Variants in DSCAML1 observed in about 807,000 individuals in gnomAD.
DSCAML1 encodes cell adhesion molecule DSCAML1.
DSCAML1 carries 38 observed loss-of-function variants against 200.5 expected under a neutral mutation model. The ratio of observed to expected loss-of-function variants is 0.19; its 90% CI spans 0.15 to 0.25. The LOEUF is 0.25. Among genes scored for constraint, DSCAML1 ranks in the 10% least tolerant of loss-of-function variants. The pLI is 1.00. For missense variants in DSCAML1, 2,223 were observed against 2,858.8 expected, an observed-to-expected ratio of 0.78 and a Z score of 5.07; for synonymous variants, 1,215 against 1,165.0, an observed-to-expected ratio of 1.04 and a Z score of -0.87.
At chr11:117,685,519 G>A (rs1022593044) in intron 3 of DSCAML1, among the ~76,000 whole-genome samples, 2 of 152,166 alleles carry the variant, frequency 1.3e-5, no homozygotes, top group African/African-American at 2.4e-5. Context: ...GCAGACCTGG[G>A]GTCCCAGCAC....
chr11:117,535,523 T>G (rs938719171), intron 3 of DSCAML1, among the ~76,000 whole-genome samples: 4 of 151,948 alleles, frequency 2.6e-5, no homozygotes, highest in Admixed American at 6.5e-5. Flanking sequence ...AGAAGGAAGG[T>G]GGAGGGCGCC....
chr11:117,608,085 G>C (rs1038122430), intron 3 of DSCAML1, among the ~76,000 whole-genome samples: 1 of 152,192 alleles, frequency 6.6e-6, no homozygotes, highest in African/African-American at 2.4e-5. Flanking sequence ...TGTGTCTTGA[G>C]ACCCATTGTG....
intron 1 of DSCAML1, among the ~76,000 whole-genome samples, chr11:117,790,896 C>A (rs2055451512): frequency 6.6e-6 from 1 of 152,226 alleles, no homozygotes; most frequent in Non-Finnish European, 1.5e-5. Context: ...TGCAAACACA[C>A]ATGCATCTCT....
intron 2 of DSCAML1, among the ~76,000 whole-genome samples, chr11:117,777,433 C>T (rs1206167486): frequency 6.6e-6 from 1 of 152,214 alleles, no homozygotes; most frequent in Non-Finnish European, 1.5e-5. Flanking sequence ...TGCACCCAAA[C>T]AAAACCTGTG....
chr11:117,488,057 G>A (rs190388640), intron 11 of DSCAML1, among the ~76,000 whole-genome samples: 12 of 152,232 alleles, frequency 7.9e-5, no homozygotes, highest in African/African-American at 2.7e-4. Context: ...CAGAGTACTC[G>A]TGTCCTTGCA....
chr11:117,688,635 C>T lies in DSCAML1; in HGVS notation c.511+88156G>A, dbSNP rs552631453. Among the ~76,000 whole-genome samples the T allele has an allele frequency of 4.6e-5, 7 of 152,294 alleles. No homozygotes were observed. In the South Asian group the frequency reaches 1.5e-3, roughly 32 times the overall value. Reference sequence around the variant, plus strand: ...ATGCTGTGTGACCTTGGGCAGGTCCCCCAGCCTCTCTGTGCCTTGTATCTG... The same window carrying T: ...ATGCTGTGTGACCTTGGGCAGGTCCTCCAGCCTCTCTGTGCCTTGTATCTG... On this transcript the variant is annotated intron_variant, in intron 3 of 32. Transcript: ENST00000651296.
At chr11:117,784,213 G>A (rs1026850435) in intron 1 of DSCAML1, among the ~76,000 whole-genome samples, 4 of 152,162 alleles carry the variant, frequency 2.6e-5, no homozygotes, top group African/African-American at 7.2e-5. Context: ...TCATTTCTGC[G>A]TATGGCTCTG....
At chr11:117,764,693 A>T (rs1591484908) in intron 3 of DSCAML1, among the ~76,000 whole-genome samples, 2 of 152,364 alleles carry the variant, frequency 1.3e-5, no homozygotes, top group South Asian at 4.1e-4. Flanking sequence ...TCCTGGGCGC[A>T]GGCCCTGGGG....
chr11:117,531,636 C>T (rs1297256354), intron 4 of DSCAML1, among the ~76,000 whole-genome samples: 4 of 152,124 alleles, frequency 2.6e-5, no homozygotes, highest in Non-Finnish European at 5.9e-5. Context: ...GCAATCCCAG[C>T]ACTTTGGGAG....
chr11:117,719,288 A>G (rs568936191), intron 3 of DSCAML1, among the ~76,000 whole-genome samples: 1 of 152,298 alleles, frequency 6.6e-6, no homozygotes, highest in African/African-American at 2.4e-5. Context: ...TCCAAAAAAT[A>G]AAACTAAAAA....
chr11:117,715,289 G>A (rs886138720), intron 3 of DSCAML1, among the ~76,000 whole-genome samples: 4 of 151,994 alleles, frequency 2.6e-5, no homozygotes, highest in African/African-American at 7.3e-5. Context: ...ACTCAGCCCA[G>A]GTTTCACCTC....
intron 3 of DSCAML1, among the ~76,000 whole-genome samples, chr11:117,566,221 G>T (rs1893899): frequency 0.27 from 40,939 of 152,138 alleles, 5,855 homozygotes; most frequent in Admixed American, 0.33. Flanking sequence ...TGTGACAGAA[G>T]TCAGGCTACC....
At chr11:117,443,107 G>T (rs1279244381) in intron 21 of DSCAML1, among the ~76,000 whole-genome samples, 3 of 152,196 alleles carry the variant, frequency 2.0e-5, no homozygotes, top group Non-Finnish European at 4.4e-5. Flanking sequence ...CTGGGCTGCG[G>T]TGGATAAGAG....
intron 21 of DSCAML1, among the ~76,000 whole-genome samples, chr11:117,440,989 T>C (rs1592579482): frequency 1.3e-5 from 2 of 150,332 alleles, no homozygotes; most frequent in Non-Finnish European, 3.0e-5. Context: ...TCCTGGCTGC[T>C]TGCAGAGGAT....
At chr11:117,679,099 A>C (rs1433901192) in intron 3 of DSCAML1, among the ~76,000 whole-genome samples, 5 of 152,222 alleles carry the variant, frequency 3.3e-5, no homozygotes, top group African/African-American at 1.2e-4. Flanking sequence ...GCCAGAGCAG[A>C]GGCCAGGGCT....
intron 1 of DSCAML1, among the ~76,000 whole-genome samples, chr11:117,813,992 A>C (rs1406303513): frequency 6.6e-6 from 1 of 152,242 alleles, no homozygotes; most frequent in Non-Finnish European, 1.5e-5. Flanking sequence ...TCACAAAAGA[A>C]GTGAAAAGGC....
intron 3 of DSCAML1, among the ~76,000 whole-genome samples, chr11:117,633,772 C>T (rs2052222806): frequency 6.6e-6 from 1 of 152,208 alleles, no homozygotes; most frequent in Admixed American, 6.5e-5. Flanking sequence ...GGCAGAATGT[C>T]ATCCTTTTGG....
At chr11:117,615,239 A>G (rs1207569287) in intron 3 of DSCAML1, among the ~76,000 whole-genome samples, 2 of 152,156 alleles carry the variant, frequency 1.3e-5, no homozygotes, top group South Asian at 4.2e-4. Context: ...GGTGACAATA[A>G]TGTTGAAAAT....
chr11:117,758,391 C>CTGTTTTGTTTTGTTT (rs552776588), intron 3 of DSCAML1, among the ~76,000 whole-genome samples: 1 of 150,898 alleles, frequency 6.6e-6, no homozygotes, highest in African/African-American at 2.4e-5. Flanking sequence ...GTTGGCAGAA[C>CTGTTTTGTTTTGTTT]TGTTTTGTTT....
Sources: gnomAD v4.1 joint callset for allele counts (sites outside exome capture counted in the v4.1 genomes callset) on GRCh38, gnomAD v4.1.1 for gene constraint, MANE v1.5 for transcripts, NCBI Gene and HGNC (gene_info 2026-07-23, HGNC 2026-07-21) for gene names.